The following DISC1 variants were observed in gnomAD, a reference collection of about 807,000 sequenced individuals.
DISC1 encodes the protein DISC1 scaffold protein, also known as disrupted in schizophrenia 1 protein.
DISC1 carries 57 observed loss-of-function variants against 84.5 expected under a neutral mutation model. The ratio of observed to expected loss-of-function variants is 0.67; its 90% CI spans 0.55 to 0.84. The LOEUF is 0.84. Among genes scored for constraint, DISC1 ranks in the 40% least tolerant of loss-of-function variants. The probability of loss-of-function intolerance (pLI) is 0.00; values close to 1 mark genes in which losing one functional copy is unlikely to be tolerated. For synonymous variants in DISC1, 411 were observed against 415.2 expected (o/e 0.99, Z 0.12); for missense variants, 1,000 against 1,057.8 (o/e 0.95, Z 0.76).
chr1:231,843,419 A>G (rs980460340), intron 9 of DISC1, among the ~76,000 whole-genome samples: 4 of 152,120 alleles, frequency 2.6e-5, no homozygotes, highest in African/African-American at 9.7e-5. Context: ...ACTTGGACAG[A>G]TTTAAGCAGG....
In DISC1 at chr1:231,910,334, A is replaced by T. The variant is rs181202016; in HGVS notation, c.1982-48494A>T. ...TGTAGTGCTATAAATTTCCCTCTAC[A>T]CACTGCTTTAAATGTGTCCCAGAGA... On this transcript the variant is annotated intron_variant, in intron 9 of 12. Coordinates refer to ENST00000439617, the MANE Select transcript of DISC1 (RefSeq NM_018662.3). Among the ~76,000 whole-genome samples, 1,093 of 152,310 alleles carry T rather than the reference A, an allele frequency of 7.2e-3. 7 individuals are homozygous for T. Among genetic ancestry groups the T allele is most frequent in the Admixed American group, 0.015 (236 of 15,306 alleles).
At chr1:231,960,172 G>A (rs1375030276) in intron 10 of DISC1, among the ~76,000 whole-genome samples, 2 of 152,156 alleles carry the variant, frequency 1.3e-5, no homozygotes, top group East Asian at 3.8e-4. Flanking sequence ...CAGCTGGTGT[G>A]TGAATTTAAA....
At chr1:231,900,787 G>T (rs200390130) in intron 9 of DISC1, among the ~76,000 whole-genome samples, 1 of 152,112 alleles carries the variant, frequency 6.6e-6, no homozygotes, top group African/African-American at 2.4e-5. Flanking sequence ...CAAGGCAACT[G>T]GTAGTCTTCT....
chr1:231,971,294 C>T (rs570966024), intron 10 of DISC1, among the ~76,000 whole-genome samples: 2 of 152,238 alleles, frequency 1.3e-5, no homozygotes, highest in African/African-American at 2.4e-5. Context: ...TTCGAGGAAG[C>T]GTCGTCAAGA....
rs73099041 is a variant in DISC1 at position 231,951,596 on chromosome 1, G to A, written c.1982-7232G>A. On this transcript the variant is annotated intron_variant, in intron 9 of 12. Transcript: ENST00000439617. ...GCTGGGCCAAATCTCCCTCCATGAC[G>A]CTCTGAGAATGACTGCTGCTTTTAT... Among the ~76,000 whole-genome samples the A allele has an allele frequency of 2.3e-3, 351 of 152,214 alleles. 3 individuals carry two copies. Among genetic ancestry groups the A allele is most frequent in the African/African-American group, 8.3e-3 (344 of 41,538 alleles).
At chr1:231,701,306 G>A (rs933730234) in intron 2 of DISC1, among the ~76,000 whole-genome samples, 6 of 152,160 alleles carry the variant, frequency 3.9e-5, no homozygotes, top group Admixed American at 3.9e-4. Context: ...GGAATTATGG[G>A]AGCTACAATT....
chr1:231,723,465 T>C, intron 3 of DISC1: 1 of 985,492 alleles, frequency 1.0e-6, no homozygotes, highest in Non-Finnish European at 1.2e-6. Flanking sequence ...GCAGAACTTA[T>C]TTCTGGTCTG....
intron 12 of DISC1, among the ~76,000 whole-genome samples, chr1:232,032,898 G>A (rs1276474864): frequency 6.6e-6 from 1 of 152,220 alleles, no homozygotes; most frequent in African/African-American, 2.4e-5. Context: ...TATTGGATTA[G>A]TGATCAGAAA....
At chr1:231,811,140 T>G (rs1271175476) in intron 8 of DISC1, among the ~76,000 whole-genome samples, 2 of 152,238 alleles carry the variant, frequency 1.3e-5, no homozygotes, top group Non-Finnish European at 2.9e-5. Context: ...ATGTTTGATG[T>G]GCAAAGCCAG....
At chr1:231,987,588 A>G (rs1456817521) in intron 10 of DISC1, among the ~76,000 whole-genome samples, 1 of 152,230 alleles carries the variant, frequency 6.6e-6, no homozygotes, top group African/African-American at 2.4e-5. Flanking sequence ...AGACAAGAAA[A>G]AAATATTTCT....
intron 4 of DISC1, among the ~76,000 whole-genome samples, chr1:231,762,148 T>A (rs1198880083): frequency 6.9e-6 from 1 of 145,440 alleles, no homozygotes; most frequent in Non-Finnish European, 1.5e-5. Context: ...TTTCTTTCCT[T>A]CTTTCTTTTT....
intron 9 of DISC1, among the ~76,000 whole-genome samples, chr1:231,928,424 G>A (rs900025085): frequency 6.6e-6 from 1 of 152,188 alleles, no homozygotes; most frequent in African/African-American, 2.4e-5. Flanking sequence ...TTTGAAATGT[G>A]CAAGCTTGAT....
At chr1:231,689,106 A>G (rs867215912) in intron 1 of DISC1, among the ~76,000 whole-genome samples, 4 of 152,160 alleles carry the variant, frequency 2.6e-5, no homozygotes, top group Non-Finnish European at 4.4e-5. Flanking sequence ...TTACACCCCA[A>G]CCATGACAGA....
intron 3 of DISC1, chr1:231,724,178 G>A: frequency 2.5e-6 from 1 of 404,798 alleles, no homozygotes; most frequent in Non-Finnish European, 3.3e-6. Flanking sequence ...CTCTGTGTGG[G>A]GAAGGGGGCA....
intron 9 of DISC1, among the ~76,000 whole-genome samples, chr1:231,911,746 C>T (rs557764341): frequency 2.0e-5 from 3 of 152,196 alleles, no homozygotes; most frequent in Non-Finnish European, 4.4e-5. Context: ...GGATGTTCTC[C>T]TGGATAATAT....
intron 3 of DISC1, among the ~76,000 whole-genome samples, chr1:231,707,845 A>G (rs12043433): frequency 0.28 from 42,610 of 151,700 alleles, 6,570 homozygotes; most frequent in East Asian, 0.36. Flanking sequence ...CCAAATTCCT[A>G]AAGTCTAAAT....
intron 3 of DISC1, among the ~76,000 whole-genome samples, chr1:231,707,373 C>T (rs1291789330): frequency 6.6e-6 from 1 of 152,218 alleles, no homozygotes; most frequent in African/African-American, 2.4e-5. Context: ...CACACCAGGA[C>T]TTTGGAGTGT....
chr1:231,705,741 G>C lies in DISC1; in HGVS notation c.1117+3717G>C, dbSNP rs199686480. The stretch of plus-strand genomic sequence containing the variant: ...TTTCTTCTCTCATATAGTTTATTGA[G>C]GGTAACTATTAAACATTTTAAGAAT... On this transcript the variant is annotated intron_variant, in intron 3 of 12. Transcript: ENST00000439617. Among the ~76,000 whole-genome samples, 32 of 152,236 alleles carry C rather than the reference G, an allele frequency of 2.1e-4. 1 individual carries two copies. In the South Asian group the frequency reaches 6.4e-3, roughly 31 times the overall value.
intron 9 of DISC1, among the ~76,000 whole-genome samples, chr1:231,831,832 G>A (rs1345989176): frequency 7.9e-6 from 1 of 126,186 alleles, no homozygotes; most frequent in Non-Finnish European, 1.7e-5. Context: ...CAACTAGTTC[G>A]GCTTTCTGAG....
Sources: gnomAD v4.1 joint callset for allele counts (sites outside exome capture counted in the v4.1 genomes callset) on GRCh38, gnomAD v4.1.1 for gene constraint, MANE v1.5 for transcripts, NCBI Gene and HGNC (gene_info 2026-07-23, HGNC 2026-07-21) for gene names.